The following ATG7 variants were observed in gnomAD, a reference collection of about 807,000 sequenced individuals.
The protein encoded by ATG7 is ubiquitin-like modifier-activating enzyme ATG7.
ATG7 carries 70 observed loss-of-function variants against 82.4 expected under a neutral mutation model. The ratio of observed to expected loss-of-function variants is 0.85; its 90% CI spans 0.70 to 1.04. The LOEUF (loss-of-function observed/expected upper bound fraction) is 1.04, where lower values mean the gene tolerates loss of function less well. Among genes scored for constraint, ATG7 ranks in the 50% least tolerant of loss-of-function variants. ATG7 has a pLI of 0.00. For missense variants in ATG7, 792 were observed against 864.3 expected (o/e 0.92, Z 1.05); for synonymous variants, 287 against 313.0 (o/e 0.92, Z 0.88).
intron 20 of ATG7, among the ~76,000 whole-genome samples, chr3:11,505,512 G>A (rs1202546528): frequency 6.6e-6 from 1 of 152,176 alleles, no homozygotes; most frequent in Non-Finnish European, 1.5e-5. Context: ...ATCTCAAAGA[G>A]AGGAAAATGA....
chr3:11,388,626 C>T (rs1461484148), intron 19 of ATG7, among the ~76,000 whole-genome samples: 2 of 152,014 alleles, frequency 1.3e-5, no homozygotes, highest in African/African-American at 4.8e-5. Flanking sequence ...GACAGGGTTT[C>T]ACCGTGTTAG....
intron 5 of ATG7, chr3:11,304,692 C>G (rs1947426578): frequency 6.6e-6 from 1 of 152,256 alleles, no homozygotes; most frequent in Non-Finnish European, 1.5e-5. Context: ...GAAGTGAAGG[C>G]CAAGTGTCTA....
chr3:11,331,476 T>G, intron 10 of ATG7, 48 bp downstream of exon 10: 1 of 1,412,296 alleles, frequency 7.1e-7, no homozygotes, highest in Non-Finnish European at 1.0e-6. Flanking sequence ...TTTGCCAGTA[T>G]ATGTTTTACA....
At chr3:11,554,475 G>A (rs780030414) in intron 20 of ATG7, among the ~76,000 whole-genome samples, 1 of 152,208 alleles carries the variant, frequency 6.6e-6, no homozygotes, top group African/African-American at 2.4e-5. Context: ...CTGGCTTGGG[G>A]TGGGGGTGAG....
intron 19 of ATG7, among the ~76,000 whole-genome samples, chr3:11,416,535 C>T (rs1388728281): frequency 6.6e-6 from 1 of 152,002 alleles, no homozygotes; most frequent in East Asian, 1.9e-4. Context: ...TTCATCAATA[C>T]AGATCTCATA....
At chr3:11,444,140 T>C (rs981530630) in intron 20 of ATG7, among the ~76,000 whole-genome samples, 1 of 152,236 alleles carries the variant, frequency 6.6e-6, no homozygotes, top group African/African-American at 2.4e-5. Context: ...CCATTTGCTG[T>C]GCGGCTAAAG....
chr3:11,374,233 T>C (rs1002171707), intron 18 of ATG7, among the ~76,000 whole-genome samples: 3 of 152,198 alleles, frequency 2.0e-5, no homozygotes, highest in Non-Finnish European at 2.9e-5. Context: ...GTAATCAAGA[T>C]AGTTAAGTAC....
chr3:11,417,805 ATTTTATTTTATTT>A (rs2081513683), intron 19 of ATG7, among the ~76,000 whole-genome samples: 1 of 52,742 alleles, frequency 1.9e-5, no homozygotes, highest in Admixed American at 1.8e-4. Context: ...TTATTATTTT[ATTTTATTTTATTT>A]TTTTTTTTTT....
chr3:11,462,554 A>G (rs1398516096), intron 20 of ATG7, among the ~76,000 whole-genome samples: 1 of 152,132 alleles, frequency 6.6e-6, no homozygotes, highest in African/African-American at 2.4e-5. Flanking sequence ...GCCCTAAGCT[A>G]TAGGAATGGT....
intron 19 of ATG7, among the ~76,000 whole-genome samples, chr3:11,408,818 G>C (rs1424257994): frequency 6.6e-6 from 1 of 152,148 alleles, no homozygotes; most frequent in Non-Finnish European, 1.5e-5. Context: ...TTGGAATTAT[G>C]GGAGCTGCAA....
chr3:11,411,149 G>A (rs1262868739), intron 19 of ATG7, among the ~76,000 whole-genome samples: 1 of 152,100 alleles, frequency 6.6e-6, no homozygotes, highest in Non-Finnish European at 1.5e-5. Context: ...TCTAATGTAT[G>A]TGAGGTGGGG....
chr3:11,274,341 G>A (rs535947617), intron 1 of ATG7, among the ~76,000 whole-genome samples: 1 of 152,230 alleles, frequency 6.6e-6, no homozygotes, highest in East Asian at 1.9e-4. Context: ...GCAACGGTAT[G>A]GCATGAAGCT....
intron 20 of ATG7, among the ~76,000 whole-genome samples, chr3:11,501,770 G>A (rs767064753): frequency 1.3e-5 from 2 of 152,044 alleles, no homozygotes; most frequent in Admixed American, 1.3e-4. Context: ...GCTCACTGCA[G>A]CCTTCGCCTC....
chr3:11,369,765 A>C (rs2076871827), intron 18 of ATG7, among the ~76,000 whole-genome samples: 1 of 151,024 alleles, frequency 6.6e-6, no homozygotes. Context: ...TCCCAGGAGG[A>C]GTTGGGCCTA....
chr3:11,566,845 T>C, the ATG7 span, among the ~76,000 whole-genome samples: 14 of 152,298 alleles, frequency 9.2e-5, no homozygotes, highest in African/African-American at 3.1e-4. Context: ...GAGTCCCTCC[T>C]GTCTCATTAC....
At chr3:11,330,832 T>G (rs1386079695) in intron 9 of ATG7, among the ~76,000 whole-genome samples, 1 of 152,158 alleles carries the variant, frequency 6.6e-6, no homozygotes, top group Non-Finnish European at 1.5e-5. Context: ...AGATCGGGAT[T>G]GGAGTGGGAT....
intron 19 of ATG7, among the ~76,000 whole-genome samples, chr3:11,396,205 T>G (rs1372953638): frequency 6.6e-6 from 1 of 151,784 alleles, no homozygotes; most frequent in Non-Finnish European, 1.5e-5. Context: ...CCAGCACTTT[T>G]GGAGGCTGAG....
chr3:11,539,658 A>C (rs1290828646), intron 20 of ATG7, among the ~76,000 whole-genome samples: 2 of 152,232 alleles, frequency 1.3e-5, no homozygotes, highest in African/African-American at 4.8e-5. Context: ...TATTGTAAAT[A>C]TGTTTTTATA....
At position 11,372,851 on chromosome 3, in the gene ATG7, C is replaced by CGCGT. The variant is rs1553633235; in HGVS notation, c.1876-7120_1876-7119insCGTG. On this transcript the variant is annotated intron_variant, in intron 18 of 20. Transcript: ENST00000693202. Reference sequence around the variant, plus strand: ...GCGTGTGTGTGCGTGCGTGCGTGTGCGTGTGTGTGTGTGAAATCGGCCATG... The same window carrying CGCGT: ...GCGTGTGTGTGCGTGCGTGCGTGTGCGCGTGTGTGTGTGTGTGAAATCGGCCATG... 9.1e-3 allele frequency among the ~76,000 whole-genome samples: 760 copies of CGCGT among 83,346 alleles called. 37 individuals are homozygous for CGCGT. The highest frequency in any genetic ancestry group is 0.022 in the African/African-American group (728 of 32,932). 54.7% of individuals were successfully genotyped at this position (83,346 alleles called of 152,430 possible).
Sources: gnomAD v4.1 joint callset for allele counts (sites outside exome capture counted in the v4.1 genomes callset) on GRCh38, gnomAD v4.1.1 for gene constraint, MANE v1.5 for transcripts, NCBI Gene and HGNC (gene_info 2026-07-23, HGNC 2026-07-21) for gene names.